Variants in ASPM observed in about 807,000 individuals in gnomAD.
ASPM encodes the protein abnormal spindle-like microcephaly-associated protein.
Under a neutral mutation model 366.4 loss-of-function variants are expected in ASPM, and 256 were observed. The ratio of observed to expected loss-of-function variants is 0.70; its 90% CI spans 0.63 to 0.77. ASPM has a LOEUF of 0.77. Among genes scored for constraint, ASPM ranks in the 30% least tolerant of loss-of-function variants. The probability of loss-of-function intolerance (pLI) is 0.00; values close to 1 mark genes in which losing one functional copy is unlikely to be tolerated. For synonymous variants in ASPM, 1,414 were observed against 1,342.9 expected (o/e 1.05, Z -1.16); for missense variants, 4,146 against 4,090.4 (o/e 1.01, Z -0.37).
chr1:197,111,378 G>A (rs1171503736), intron 17 of ASPM, among the ~76,000 whole-genome samples: 1 of 152,006 alleles, frequency 6.6e-6, no homozygotes, highest in Non-Finnish European at 1.5e-5. Flanking sequence ...GAACCACAGT[G>A]AGATACCATC....
rs754886176 is a variant in ASPM at position 197,096,091 on chromosome 1, T to C, written c.8894A>G (p.Tyr2965Cys). 10 of 1,609,700 alleles carry C rather than the reference T, an allele frequency of 6.2e-6. No homozygotes were observed. The East Asian group carries it at 1.8e-4, about 29-fold the overall frequency. ...TTCTTTGTGTGCTCTCCAACATCTA[T>C]ACCAGGCTTGAATCTTGCAGGCAGC... ...VKAACKIQAWYRCWRAHKEYL... is the reference protein window; with the variant it reads ...VKAACKIQAWCRCWRAHKEYL... Residue 2965 changes from tyrosine to cysteine, a missense_variant, in exon 19 of 28, where the codon TAT becomes TGT. Transcript: ENST00000367409.
Position 197,103,053 on chromosome 1 carries a change from A to G in ASPM, c.6198T>C (p.Tyr2066=). Residue 2066 remains tyrosine (Y), a synonymous_variant, in exon 18 of 28, where the codon TAT becomes TAC. Coordinates refer to ENST00000367409, the MANE Select transcript of ASPM (RefSeq NM_018136.5). ...TCTGAATTATAATAGCTGAAGCTCT[A>G]TAGGTTGCATATTTCTTTTTGGTTT... The part of the protein sequence containing the change: ...AYKTKKKYAT[Y]RASAIIIQRW... 1.2e-6 allele frequency: 2 copies of G among 1,612,420 alleles called. No individual in the cohort carries two copies. The highest frequency in any genetic ancestry group is 2.2e-5 in the South Asian group (2 of 91,044).
chr1:197,102,339 A>G lies in ASPM; in HGVS notation c.6912T>C (p.His2304=). ...TTTGTACCTGAAGGAACTGTAAGTG[A>G]TGCTTTGTACAAAGATGTGCCCGAT... is the stretch of plus-strand genomic sequence containing the variant. The part of the protein sequence containing the change: ...RKYRAHLCTK[H]HLQFLQVQNA... The change falls in exon 18 of 28, where the codon CAT becomes CAC. Residue 2304 remains histidine (H), a synonymous_variant. Transcript: ENST00000367409. The G allele has an allele frequency of 1.2e-5, 20 of 1,612,786 alleles. No homozygotes were observed. The highest frequency in any genetic ancestry group is 1.6e-5 in the Non-Finnish European group (19 of 1,179,262).
intron 4 of ASPM, chr1:197,139,179 T>C: frequency 1.0e-6 from 1 of 960,430 alleles, no homozygotes; most frequent in Non-Finnish European, 1.7e-6. Flanking sequence ...ATCTTGGAGC[T>C]TAACGAAGTC....
chr1:197,102,803 A>G lies in ASPM; in HGVS notation c.6448T>C (p.Cys2150Arg). 2 of 1,612,440 alleles carry G rather than the reference A, an allele frequency of 1.2e-6. No individual in the cohort carries two copies. Among genetic ancestry groups the G allele is most frequent in the Non-Finnish European group, 1.7e-6 (2 of 1,179,222 alleles). Residue 2150 changes from cysteine (C) to arginine (R), a missense_variant, in exon 18 of 28, where the codon TGT (cysteine) becomes CGT (arginine). Coordinates refer to ENST00000367409, the MANE Select transcript of ASPM (RefSeq NM_018136.5). ...RKAAIVIQVR[C>R]RAYYQGKMQR... The stretch of plus-strand genomic sequence containing the variant: ...ATTTTACCTTGATAATATGCTCTAC[A>G]TCTTACTTGAATAACAATAGCTGCT...
intron 16 of ASPM, among the ~76,000 whole-genome samples, chr1:197,118,967 T>C (rs532133078): frequency 3.9e-5 from 6 of 152,228 alleles, no homozygotes; most frequent in Admixed American, 1.3e-4. Flanking sequence ...TCTGGGACCG[T>C]CCACCATGCA....
intron 18 of ASPM, among the ~76,000 whole-genome samples, chr1:197,099,999 A>G (rs1314928232): frequency 6.6e-6 from 1 of 151,764 alleles, no homozygotes; most frequent in Non-Finnish European, 1.5e-5. Flanking sequence ...CTCAGAATAA[A>G]GTATGTCTAC....
In ASPM at chr1:197,133,514, G is replaced by A; in HGVS notation, c.2255C>T (p.Ser752Phe). 1 of 1,614,096 alleles carries A rather than the reference G, an allele frequency of 6.2e-7. No homozygotes were observed. ...ACACCGAGCAGTATAAGCTCTGAGA[G>A]ACATTTCCTCTTTTGTAGGTGCTCT... ...VPRAPTKEEM[S>F]LRAYTARCRL... The change falls in exon 6 of 28, where the codon TCT becomes TTT. Residue 752 changes from serine to phenylalanine, a missense_variant. By Grantham distance (155) the Ser-to-Phe change is radical. Around this residue, in one of 3 missense-constraint regions of ASPM, gnomAD observed 3,624 missense variants for 3,591.7 expected, o/e 1.01. Coordinates refer to ENST00000367409, the MANE Select transcript of ASPM (RefSeq NM_018136.5).
In ASPM at chr1:197,104,700, G is replaced by A. The variant is rs1023793313; in HGVS notation, c.4551C>T (p.Ile1517=). Residue 1517 remains isoleucine (I), a synonymous_variant, in exon 18 of 28, where the codon ATC becomes ATT. Transcript: ENST00000367409. The part of the protein sequence containing the change: ...YKRRKESILT[I]QKYYKAYLKG... ...TCAGATATGCTTTGTAGTACTTCTG[G>A]ATGGTTAGTATGGACTCTTTTCTTC... is the stretch of plus-strand genomic sequence containing the variant. 10 of 1,612,888 alleles carry A rather than the reference G, an allele frequency of 6.2e-6. No individual in the cohort carries two copies. Among genetic ancestry groups the A allele is most frequent in the Non-Finnish European group, 8.5e-6 (10 of 1,179,324 alleles).
intron 25 of ASPM, 96 bp downstream of exon 25, chr1:197,089,834 A>C: frequency 1.7e-6 from 2 of 1,167,572 alleles, no homozygotes; most frequent in Non-Finnish European, 2.5e-6. Context: ...AATTTAACTT[A>C]GAGATTTAAG....
chr1:197,089,862 C>T, intron 25 of ASPM, 68 bp downstream of exon 25: 1 of 1,518,838 alleles, frequency 6.6e-7, no homozygotes, highest in Non-Finnish European at 9.1e-7. Flanking sequence ...GATGAGTAAA[C>T]CCAAACTTAA....
intron 25 of ASPM, among the ~76,000 whole-genome samples, 158 bp downstream of exon 25, chr1:197,089,772 T>C (rs555889174): frequency 1.3e-5 from 2 of 152,120 alleles, no homozygotes; most frequent in African/African-American, 4.8e-5. Context: ...TACTTAAATC[T>C]ACATTTATGT....
At chr1:197,089,800 T>C (rs958459750) in intron 25 of ASPM, 130 bp downstream of exon 25, 36 of 861,030 alleles carry the variant, frequency 4.2e-5, no homozygotes, top group Non-Finnish European at 6.1e-5. Context: ...CATTTTTTCA[T>C]CCTAAGACTC....
chr1:197,099,807 A>C (rs929181720), intron 18 of ASPM, among the ~76,000 whole-genome samples: 2 of 151,806 alleles, frequency 1.3e-5, no homozygotes, highest in African/African-American at 4.8e-5. Flanking sequence ...AAAAAGAAAT[A>C]GCTGAAGTAC....
At chr1:197,118,822 G>C (rs769811874) in intron 16 of ASPM, among the ~76,000 whole-genome samples, 11 of 152,068 alleles carry the variant, frequency 7.2e-5, no homozygotes, top group Non-Finnish European at 1.0e-4. Flanking sequence ...TGGCTTTAAA[G>C]TAACTTTGCT....
chr1:197,125,755 T>A (rs1372130238), intron 10 of ASPM, among the ~76,000 whole-genome samples: 1 of 151,962 alleles, frequency 6.6e-6, no homozygotes, highest in Non-Finnish European at 1.5e-5. Flanking sequence ...TATAAAAATA[T>A]ATGTATATAT....
chr1:197,143,813 GC>G lies in ASPM; in HGVS notation c.442-4del. On this transcript the variant is annotated splice_polypyrimidine_tract_variant and splice_region_variant and intron_variant, in intron 2 of 27. Coordinates refer to ENST00000367409, the MANE Select transcript of ASPM (RefSeq NM_018136.5). ...TTAATGGTATCCCAAAGACTCCTCT[GC>G]AAAAATAAGGAAAATATACCAATTA... 1 of 1,610,876 alleles carries G rather than the reference GC, an allele frequency of 6.2e-7. No homozygotes were observed. The highest frequency in any genetic ancestry group is 2.2e-5 in the East Asian group (1 of 44,840).
At chr1:197,105,208 C>A (rs750858535) in intron 17 of ASPM, 23 bp from the exon 18 acceptor site, 3 of 1,558,706 alleles carry the variant, frequency 1.9e-6, no homozygotes, top group Non-Finnish European at 2.7e-6. Flanking sequence ...AGAAAGGACA[C>A]AAAGTAAAAT....
chr1:197,099,181 T>G (rs906628134), intron 18 of ASPM, among the ~76,000 whole-genome samples: 4 of 151,592 alleles, frequency 2.6e-5, no homozygotes, highest in Non-Finnish European at 4.4e-5. Context: ...CTGATTCTAG[T>G]CTTGCTCCTT....
Sources: gnomAD v4.1 joint callset for allele counts (sites outside exome capture counted in the v4.1 genomes callset) on GRCh38, gnomAD v4.1.1 for gene constraint, gnomAD v4.1.1 regional missense constraint, MANE v1.5 for transcripts, NCBI Gene and HGNC (gene_info 2026-07-23, HGNC 2026-07-21) for gene names.